Variants in TAB3 observed in about 807,000 individuals in gnomAD.
TAB3 encodes TGF-beta-activated kinase 1 and MAP3K7-binding protein 3.
Under a neutral mutation model 48.1 loss-of-function variants are expected in TAB3, and 18 were observed. The observed-to-expected ratio is 0.37, with a 90% CI of 0.26 to 0.55. The LOEUF (loss-of-function observed/expected upper bound fraction) is 0.55. Among genes scored for constraint, TAB3 ranks in the 20% least tolerant of loss-of-function variants. The pLI is 0.78. For missense variants in TAB3, 414 were observed against 549.8 expected (o/e 0.75, Z 2.47); for synonymous variants, 185 against 190.2 (o/e 0.97, Z 0.22).
chrX:30,842,660 T>TAA (rs141348848), intron 9 of TAB3, among the ~76,000 whole-genome samples: 2 of 105,323 alleles, frequency 1.9e-5, no homozygotes, highest in African/African-American at 3.4e-5. Context: ...CTACAAAAAA[T>TAA]AAAAAAAAAT....
chrX:30,844,811 T>G (rs1286767819), intron 8 of TAB3: 1 of 112,264 alleles, frequency 8.9e-6, no homozygotes, highest in East Asian at 2.8e-4. Flanking sequence ...CACCTGCCAC[T>G]AATCTTTAAT....
At chrX:30,858,996 G>A (rs968040607) in intron 5 of TAB3, among the ~76,000 whole-genome samples, 1 of 111,844 alleles carries the variant, frequency 8.9e-6, no homozygotes, top group Non-Finnish European at 1.9e-5. Context: ...AGTCTAAGAA[G>A]TTAAAATGAT....
In TAB3 at chrX:30,854,310, G is replaced by A; in HGVS notation, c.1355C>T (p.Thr452Ile). 8.3e-7 allele frequency: 1 copy of A among 1,211,640 alleles called. No individual in the cohort carries two copies. The highest frequency in any genetic ancestry group is 3.0e-5 in the East Asian group (1 of 33,831). ...GCCTACGGTAATTTTAAAAACTGTA[G>A]TTGGGTTTGGTATCACTCGAGGAGA... ...SPSPRVIPNP[T>I]TVFKITVGRA... The change falls in exon 6 of 11, where the codon ACT becomes ATT. Residue 452 changes from threonine to isoleucine, a missense_variant. Physicochemically the swap from Thr to Ile is moderately conservative, Grantham distance 89. Coordinates refer to ENST00000288422, the MANE Select transcript of TAB3 (RefSeq NM_152787.5).
intron 1 of TAB3, among the ~76,000 whole-genome samples, chrX:30,883,930 T>C (rs1007299737): frequency 9.0e-6 from 1 of 111,644 alleles, no homozygotes; most frequent in Non-Finnish European, 1.9e-5. Context: ...AGCCTTTAGA[T>C]ACCAAGATAA....
chrX:30,853,824 G>A (rs1481612565), intron 6 of TAB3, among the ~76,000 whole-genome samples: 4 of 111,395 alleles, frequency 3.6e-5, no homozygotes, highest in African/African-American at 9.8e-5. Flanking sequence ...GCAGGCATGC[G>A]CCACCACACC....
chrX:30,847,300 C>G (rs377172274), intron 7 of TAB3, among the ~76,000 whole-genome samples: 1 of 109,882 alleles, frequency 9.1e-6, no homozygotes. Flanking sequence ...ATGAAAACTT[C>G]AGAAACAAAT....
At chrX:30,845,781 G>T in intron 8 of TAB3, 1 of 190,009 alleles carries the variant, frequency 5.3e-6, no homozygotes, top group Middle Eastern at 7.8e-4. Flanking sequence ...TTTGCCTTTG[G>T]CTTTCATAGA....
At chrX:30,878,049 T>C (rs1367148377) in intron 1 of TAB3, among the ~76,000 whole-genome samples, 1 of 112,685 alleles carries the variant, frequency 8.9e-6, no homozygotes, top group Admixed American at 9.3e-5. Flanking sequence ...AGTCCCTTCA[T>C]AGTCATAAAA....
chrX:30,847,592 G>A (rs1391368726), intron 7 of TAB3, among the ~76,000 whole-genome samples: 1 of 109,473 alleles, frequency 9.1e-6, no homozygotes, highest in Non-Finnish European at 1.9e-5. Context: ...CACGGCCCAG[G>A]TATTAAATAC....
chrX:30,831,211 TTCTA>T lies in TAB3; in HGVS notation c.*212_*215del, dbSNP rs1938021212. On this transcript the variant is annotated 3_prime_UTR_variant, in exon 11 of 11. Coordinates refer to ENST00000288422, the MANE Select transcript of TAB3 (RefSeq NM_152787.5). ...TCCTTTCCCAGTTTCAAGTATCCCT[TTCTA>T]TCTCTCACTCTGTAGTGAGTTAAGA... The T allele has an allele frequency of 2.9e-6, 1 of 340,379 alleles. No individual in the cohort carries two copies. The highest frequency in any genetic ancestry group is 5.0e-6 in the Non-Finnish European group (1 of 198,445). 28.1% of individuals were successfully genotyped at this position (340,379 alleles called of 1,213,427 possible).
At chrX:30,857,078 C>CT (rs1401044616) in intron 5 of TAB3, among the ~76,000 whole-genome samples, 3 of 111,800 alleles carry the variant, frequency 2.7e-5, no homozygotes, top group African/African-American at 9.7e-5. Context: ...TTAACCTTTT[C>CT]TTTATATAAA....
rs1216215101 is a variant in TAB3, at chrX:30,830,685, G to A, written c.*742C>T. On this transcript the variant is annotated 3_prime_UTR_variant, in exon 11 of 11. Coordinates refer to ENST00000288422, the MANE Select transcript of TAB3 (RefSeq NM_152787.5). ...TAACTTAAAAAAATGCATCTCTTAT[G>A]TGGCATAAGTAGGTCTTAGTTACCA... The A allele has an allele frequency of 8.9e-6, 1 of 112,159 alleles. No homozygotes were observed. Among genetic ancestry groups the A allele is most frequent in the Non-Finnish European group, 1.9e-5 (1 of 53,171 alleles). 9.2% of individuals were successfully genotyped at this position (112,159 alleles called of 1,213,427 possible).
intron 9 of TAB3, among the ~76,000 whole-genome samples, chrX:30,842,157 T>G (rs994098350): frequency 1.8e-5 from 2 of 112,754 alleles, no homozygotes; most frequent in African/African-American, 6.4e-5. Context: ...AGAACATGTT[T>G]GATATCTTTA....
intron 7 of TAB3, among the ~76,000 whole-genome samples, chrX:30,849,712 A>G (rs761689647): frequency 8.9e-6 from 1 of 112,416 alleles, no homozygotes; most frequent in South Asian, 3.7e-4. Context: ...CTGACTCCCA[A>G]GCCTATGTGG....
At chrX:30,872,764 T>G (rs182314622) in intron 1 of TAB3, among the ~76,000 whole-genome samples, 17 of 112,113 alleles carry the variant, frequency 1.5e-4, no homozygotes, top group Admixed American at 1.3e-3. Context: ...AAGGTTGGGC[T>G]TCACAAAGGG....
intron 1 of TAB3, among the ~76,000 whole-genome samples, chrX:30,881,153 A>G (rs1297993661): frequency 1.8e-5 from 2 of 111,149 alleles, no homozygotes; most frequent in Admixed American, 1.9e-4. Flanking sequence ...ATTTAGATAA[A>G]GTACAAAAGT....
chrX:30,833,260 C>T (rs1443149048), intron 10 of TAB3, among the ~76,000 whole-genome samples: 2 of 109,898 alleles, frequency 1.8e-5, no homozygotes, highest in African/African-American at 6.6e-5. Flanking sequence ...TGAGCCACCG[C>T]ACCCGGCCTA....
In TAB3 at chrX:30,829,093, T is replaced by C. The variant is rs1937957309; in HGVS notation, c.*2334A>G. The C allele has an allele frequency of 8.9e-6, 1 of 112,312 alleles. No homozygotes were observed. Among genetic ancestry groups the C allele is most frequent in the Admixed American group, 9.5e-5 (1 of 10,510 alleles). 9.3% of individuals were successfully genotyped at this position (112,312 alleles called of 1,213,427 possible). A position where few individuals can be genotyped will look rare whatever the true frequency, so the allele number is the denominator to read the frequency against. ...CCGCATACCCCACCCTTTACACCTATCCAATAGACTGTTTTCTCTCTTTTC... is the reference window on the plus strand; with the variant it reads ...CCGCATACCCCACCCTTTACACCTACCCAATAGACTGTTTTCTCTCTTTTC... On this transcript the variant is annotated 3_prime_UTR_variant, in exon 11 of 11. Transcript: ENST00000288422.
intron 10 of TAB3, among the ~76,000 whole-genome samples, chrX:30,833,223 C>T (rs890064946): frequency 2.7e-5 from 3 of 109,679 alleles, no homozygotes; most frequent in Non-Finnish European, 5.7e-5. Context: ...CCTGCCTCGG[C>T]CTCCCAAAGT....
Sources: allele counts gnomAD v4.1 joint callset (sites outside exome capture counted in the v4.1 genomes callset), GRCh38; gene constraint gnomAD v4.1.1; transcripts MANE v1.5; gene names NCBI Gene and HGNC (gene_info 2026-07-23, HGNC 2026-07-21).